The following COQ5 variants were observed in gnomAD, a reference collection of about 807,000 sequenced individuals.
The protein encoded by COQ5 is 2-methoxy-6-polyprenyl-1,4-benzoquinol methylase, mitochondrial.
A neutral mutation model predicts 40.5 loss-of-function variants in COQ5; 27 were observed. That is an observed-to-expected ratio of 0.67 (90% CI 0.49 to 0.92). COQ5 has a LOEUF of 0.92. Among genes scored for constraint, COQ5 ranks in the 40% least tolerant of loss-of-function variants. The pLI is 0.00. For missense variants in COQ5, 409 were observed against 406.4 expected (o/e 1.01, Z -0.06); for synonymous variants, 141 against 150.0 (o/e 0.94, Z 0.44).
In COQ5 at chr12:120,503,723, T is replaced by TC. The variant is rs1868738397; in HGVS notation, c.*60dup. ...TGCTGCTGTCTCATTTGCCAGATTA[T>TC]CCTTCAGTTCCAGGCTTTCAACAGG... On this transcript the variant is annotated 3_prime_UTR_variant, in exon 7 of 7. Transcript: ENST00000288532. 1 of 1,244,394 alleles carries TC rather than the reference T, an allele frequency of 8.0e-7. No homozygotes were observed. Among genetic ancestry groups the TC allele is most frequent in the South Asian group, 1.2e-5 (1 of 82,396 alleles). 77.1% of individuals were successfully genotyped at this position (1,244,394 alleles called of 1,614,324 possible). A position where few individuals can be genotyped will look rare whatever the true frequency, so the allele number is the denominator to read the frequency against.
At position 120,519,121 on chromosome 12, in the gene COQ5, T is replaced by C. The variant is rs543400983; in HGVS notation, c.353-2333A>G. ...TTTTAAATAGATAAACAATATTTCA[T>C]AGACTGGATATGCCTTAATTTAAAG... On this transcript the variant is annotated intron_variant, in intron 2 of 6. Transcript: ENST00000288532. Among the ~76,000 whole-genome samples the C allele has an allele frequency of 2.0e-5, 3 of 152,238 alleles. No individual in the cohort carries two copies. The South Asian group carries it at 6.2e-4, about 31-fold the overall frequency.
chr12:120,528,021 A>AAAAAAAAAC (rs1870041690), intron 1 of COQ5, among the ~76,000 whole-genome samples: 2 of 120,320 alleles, frequency 1.7e-5, no homozygotes, highest in South Asian at 2.6e-4. Flanking sequence ...AAAAAAAAAA[A>AAAAAAAAAC]AGAAACCCCG....
At chr12:120,503,933 T>C (rs1379734107) in intron 6 of COQ5, 37 bp downstream of exon 6, 7 of 1,595,246 alleles carry the variant, frequency 4.4e-6, no homozygotes, top group African/African-American at 1.3e-5. Flanking sequence ...TGGATATCAC[T>C]GTAGGGCCTT....
chr12:120,514,110 A>G (rs145336168), intron 3 of COQ5, among the ~76,000 whole-genome samples: 3 of 152,284 alleles, frequency 2.0e-5, no homozygotes, highest in African/African-American at 4.8e-5. Flanking sequence ...ACCAGAGAGA[A>G]GGGAAACATG....
intron 2 of COQ5, among the ~76,000 whole-genome samples, chr12:120,517,259 G>A (rs1869419757): frequency 6.6e-6 from 1 of 152,014 alleles, no homozygotes; most frequent in African/African-American, 2.4e-5. Context: ...GCCTGCGGCA[G>A]GAGAATAGCT....
rs1417691513 is a variant in COQ5, at chr12:120,503,989, A to G, written c.863T>C (p.Ile288Thr). 2 of 1,612,494 alleles carry G rather than the reference A, an allele frequency of 1.2e-6. No homozygotes were observed. Among genetic ancestry groups the G allele is most frequent in the Non-Finnish European group, 1.7e-6 (2 of 1,178,598 alleles). The change falls in exon 6 of 7, where the codon ATC becomes ACC. Residue 288 changes from isoleucine to threonine, a missense_variant. Ile to Thr is a moderately conservative substitution (Grantham distance 89). Transcript: ENST00000288532. ...WKSYQYLVES[I>T]RRFPSQEEFK... ...TCATACCTGAGACGGAAACCTTCGG[A>G]TACTCTCTACAAGGTACTGATAGGA...
At position 120,516,707 on chromosome 12, in the gene COQ5, T is replaced by C. The variant is rs1224956700; in HGVS notation, c.434A>G (p.Asn145Ser). ...TTTGGCAATTTCTTCCCAGGATAAA[T>C]TTTGTTGGGCCCTTAACTGCCTCTT... Reference protein sequence around the residue: ...KQKRQLRAQQNLSWEEIAKEY... With the variant: ...KQKRQLRAQQSLSWEEIAKEY... Residue 145 changes from asparagine (N) to serine (S), a missense_variant, in exon 3 of 7, where the codon AAT becomes AGT. Physicochemically the swap from Asn to Ser is conservative, Grantham distance 46. Transcript: ENST00000288532. 2 of 1,614,172 alleles carry C rather than the reference T, an allele frequency of 1.2e-6. No individual in the cohort carries two copies. The highest frequency in any genetic ancestry group is 1.3e-5 in the African/African-American group (1 of 75,052).
At chr12:120,526,737 CAG>C (rs1374207217) in intron 1 of COQ5, among the ~76,000 whole-genome samples, 2 of 39,086 alleles carry the variant, frequency 5.1e-5, no homozygotes, top group Non-Finnish European at 9.7e-5. Flanking sequence ...TTTTTTGAGA[CAG>C]AGTCTTGCTC....
intron 4 of COQ5, among the ~76,000 whole-genome samples, chr12:120,505,847 C>T (rs4767906): frequency 0.26 from 39,267 of 149,706 alleles, 5,924 homozygotes; most frequent in East Asian, 0.51. Flanking sequence ...TGAGCCACCG[C>T]ACCCAGCCTA....
rs181024863 is a variant in COQ5, at chr12:120,524,845, G to A, written c.203-2482C>T. Among the ~76,000 whole-genome samples the A allele has an allele frequency of 2.8e-3, 432 of 151,732 alleles. 3 individuals are homozygous for A. Among genetic ancestry groups the A allele is most frequent in the Non-Finnish European group, 4.8e-3 (325 of 67,946 alleles). On this transcript the variant is annotated intron_variant, in intron 1 of 6. Transcript: ENST00000288532. The stretch of plus-strand genomic sequence containing the variant: ...TTTTTTAAATTTTTTTTGGGACGGA[G>A]TCTTGCTCTGTCACCCAGGCTGGAG...
Position 120,504,909 on chromosome 12 carries a change from A to T in COQ5, c.756T>A (p.Asn252Lys), listed in dbSNP as rs140687799. ...FLCLEFSQVNNPLISRLYDLY... is the reference protein window; with the variant it reads ...FLCLEFSQVNKPLISRLYDLY... ...ACAATGCCAACCTGGATATGAGGGG[A>T]TTGTTCACTTGGCTAAATTCCAGAC... Residue 252 changes from asparagine to lysine, a missense_variant, in exon 5 of 7, where the codon AAT (asparagine) becomes AAA (lysine). By Grantham distance (94) the Asn-to-Lys change is moderately conservative. Coordinates refer to ENST00000288532, the MANE Select transcript of COQ5 (RefSeq NM_032314.4). The T allele has an allele frequency of 6.2e-7, 1 of 1,613,956 alleles. No homozygotes were observed. Among genetic ancestry groups the T allele is most frequent in the African/African-American group, 1.3e-5 (1 of 74,896 alleles).
chr12:120,520,129 TTATG>T (rs1196515013), intron 2 of COQ5, among the ~76,000 whole-genome samples: 2 of 151,152 alleles, frequency 1.3e-5, no homozygotes. Context: ...TAATGTAATT[TTATG>T]TATTTATTTA....
intron 4 of COQ5, among the ~76,000 whole-genome samples, chr12:120,505,427 G>A (rs989544384): frequency 8.6e-5 from 13 of 150,950 alleles, no homozygotes; most frequent in Non-Finnish European, 1.5e-4. Context: ...TTGCTCTGTC[G>A]CCCAGACTGG....
intron 2 of COQ5, among the ~76,000 whole-genome samples, chr12:120,520,780 G>A (rs564292946): frequency 7.9e-5 from 12 of 152,006 alleles, no homozygotes; most frequent in African/African-American, 2.7e-4. Context: ...TAACATGTAC[G>A]ATGACATCAC....
intron 3 of COQ5, 109 bp from the exon 4 acceptor site, chr12:120,510,232 G>A (rs1157058334): frequency 1.2e-5 from 10 of 811,516 alleles, no homozygotes; most frequent in Non-Finnish European, 2.2e-5. Context: ...GTCCTGGGTG[G>A]TTAGGCTGCC....
rs61584250 is a variant in COQ5, at chr12:120,526,698, A to ATTTTTTTTTTTTTTTTTTTTT, written c.202+2221_202+2241dup. Reference sequence around the variant, plus strand: ...AATAGTGCTCAAACTACTCTTGGCAATTTTTTTTTTTTTTTTTTTTTTTTT... The same window carrying ATTTTTTTTTTTTTTTTTTTTT: ...AATAGTGCTCAAACTACTCTTGGCAATTTTTTTTTTTTTTTTTTTTTTTTTTTTTTTTTTTTTTTTTTTTTT... On this transcript the variant is annotated intron_variant, in intron 1 of 6. Transcript: ENST00000288532. Among the ~76,000 whole-genome samples, 24 of 64,150 alleles carry ATTTTTTTTTTTTTTTTTTTTT rather than the reference A, an allele frequency of 3.7e-4. 5 individuals are homozygous for ATTTTTTTTTTTTTTTTTTTTT. Among genetic ancestry groups the ATTTTTTTTTTTTTTTTTTTTT allele is most frequent in the African/African-American group, 1.5e-3 (18 of 12,192 alleles). 42.1% of individuals were successfully genotyped at this position (64,150 alleles called of 152,430 possible).
chr12:120,527,740 T>C (rs1361914493), intron 1 of COQ5, among the ~76,000 whole-genome samples: 1 of 151,602 alleles, frequency 6.6e-6, no homozygotes, highest in Non-Finnish European at 1.5e-5. Context: ...CCCAGCACTT[T>C]GGGAGGCCGA....
At chr12:120,505,069 G>A in intron 4 of COQ5, 86 bp from the exon 5 acceptor site, 1 of 1,125,138 alleles carries the variant, frequency 8.9e-7, no homozygotes, top group Non-Finnish European at 1.3e-6. Flanking sequence ...GCTTCTGCAG[G>A]CATTAAAAAA....
intron 5 of COQ5, 84 bp downstream of exon 5, chr12:120,504,811 T>C (rs1868806773): frequency 8.6e-7 from 1 of 1,160,716 alleles, no homozygotes; most frequent in Non-Finnish European, 1.3e-6. Flanking sequence ...TTCATGCTTA[T>C]AGCTTACTGG....
Sources: allele counts gnomAD v4.1 joint callset (sites outside exome capture counted in the v4.1 genomes callset), GRCh38; gene constraint gnomAD v4.1.1; transcripts MANE v1.5; gene names NCBI Gene and HGNC (gene_info 2026-07-23, HGNC 2026-07-21).